MYT1L: variants seen among roughly 807,000 people sequenced by gnomAD.
The protein encoded by MYT1L is myelin transcription factor 1 like.
A neutral mutation model predicts 126.7 loss-of-function variants in MYT1L; 12 were observed. The observed-to-expected ratio is 0.09, with a 90% CI of 0.06 to 0.15. The LOEUF (loss-of-function observed/expected upper bound fraction) is 0.15, where lower values mean the gene tolerates loss of function less well. Ranked by LOEUF, MYT1L falls within the 10% of genes least tolerant of loss-of-function variation. MYT1L has a pLI of 1.00. For synonymous variants in MYT1L, 541 were observed against 604.2 expected (o/e 0.90, Z 1.53); for missense variants, 979 against 1,585.2 (o/e 0.62, Z 6.49).
chr2:1,906,632 A>C (rs1452307698), intron 13 of MYT1L, among the ~76,000 whole-genome samples: 2 of 152,198 alleles, frequency 1.3e-5, no homozygotes, highest in Admixed American at 1.3e-4. Context: ...CAAATCACCA[A>C]TACATGTATT....
chr2:1,983,973 C>T (rs1000195573), intron 5 of MYT1L, among the ~76,000 whole-genome samples: 5 of 151,994 alleles, frequency 3.3e-5, no homozygotes, highest in Admixed American at 6.6e-5. Flanking sequence ...AAAATAAGGA[C>T]GTTTTCTAAG....
In MYT1L at chr2:2,273,551, C is replaced by T. The variant is rs202169501; in HGVS notation, c.-421+10853G>A. Among the ~76,000 whole-genome samples, 29 of 152,294 alleles carry T rather than the reference C, an allele frequency of 1.9e-4. No homozygotes were observed. The East Asian group carries it at 5.6e-3, about 30-fold the overall frequency. ...CTGGTCGCCCAGCCAAAGCCAGTGT[C>T]TGGAGGGAATGGGAAGCCACTCAGA... On this transcript the variant is annotated intron_variant, in intron 2 of 24. Transcript: ENST00000647738.
chr2:2,229,694 C>T (rs1427222608), intron 2 of MYT1L, among the ~76,000 whole-genome samples: 1 of 152,026 alleles, frequency 6.6e-6, no homozygotes, highest in Non-Finnish European at 1.5e-5. Context: ...AGGCAAGGCA[C>T]TGTGTTCAGA....
chr2:2,086,896 C>T (rs546626648), intron 3 of MYT1L, among the ~76,000 whole-genome samples: 1 of 152,226 alleles, frequency 6.6e-6, no homozygotes, highest in African/African-American at 2.4e-5. Context: ...GGGATGCCTG[C>T]CCCTCAGATG....
intron 4 of MYT1L, among the ~76,000 whole-genome samples, chr2:2,011,956 A>T (rs1010433259): frequency 1.3e-5 from 2 of 152,192 alleles, no homozygotes; most frequent in African/African-American, 4.8e-5. Context: ...CCACCAAGGG[A>T]ATCAGAACAT....
At chr2:2,324,766 T>C (rs1441022189) in intron 1 of MYT1L, 1 of 152,682 alleles carries the variant, frequency 6.5e-6, no homozygotes, top group African/African-American at 2.4e-5. Context: ...CCTGCTGACT[T>C]ACCCTGTCTC....
At chr2:1,940,552 C>T (rs1403852302) in intron 9 of MYT1L, among the ~76,000 whole-genome samples, 1 of 150,944 alleles carries the variant, frequency 6.6e-6, no homozygotes, top group Non-Finnish European at 1.5e-5. Flanking sequence ...CCTGTGGCTG[C>T]ACCCTGCCAG....
intron 2 of MYT1L, among the ~76,000 whole-genome samples, chr2:2,191,532 A>C (rs988938553): frequency 6.6e-6 from 1 of 152,210 alleles, no homozygotes; most frequent in Non-Finnish European, 1.5e-5. Context: ...TACAGGAAGC[A>C]GAATCCTTTC....
At chr2:2,209,299 T>C (rs1342836797) in intron 2 of MYT1L, among the ~76,000 whole-genome samples, 1 of 152,196 alleles carries the variant, frequency 6.6e-6, no homozygotes, top group Non-Finnish European at 1.5e-5. Context: ...GTTAAATTAT[T>C]ATTGACTATA....
At chr2:1,818,476 G>A (rs1357218098) in intron 21 of MYT1L, among the ~76,000 whole-genome samples, 1 of 152,120 alleles carries the variant, frequency 6.6e-6, no homozygotes. Flanking sequence ...TATATAATAT[G>A]TAATTTATAT....
chr2:1,805,313 G>A (rs1023263211), intron 22 of MYT1L, among the ~76,000 whole-genome samples: 4 of 152,232 alleles, frequency 2.6e-5, no homozygotes, highest in Non-Finnish European at 5.9e-5. Flanking sequence ...GGTCCTTCTT[G>A]GCCGAGTCAG....
At chr2:2,279,999 T>A (rs2095425628) in intron 2 of MYT1L, among the ~76,000 whole-genome samples, 1 of 152,072 alleles carries the variant, frequency 6.6e-6, no homozygotes. Context: ...TATGTGGAAT[T>A]TCAAATAGAT....
At position 1,929,834 on chromosome 2, in the gene MYT1L, T is replaced by C. The variant is rs183545296; in HGVS notation, c.506-6571A>G. ...GTTGAAGTCACCTGCTTGCCATTCA[T>C]ACTCCTTCCACAGGGACGAGTCTAG... On this transcript the variant is annotated intron_variant, in intron 9 of 24. Coordinates refer to ENST00000647738, the MANE Select transcript of MYT1L (RefSeq NM_001303052.2). The surrounding 1 kb of genome is among the most constrained non-coding windows in gnomAD (Gnocchi z 4.7). Among the ~76,000 whole-genome samples the C allele has an allele frequency of 5.9e-5, 9 of 152,356 alleles. No individual in the cohort carries two copies. The highest frequency in any genetic ancestry group is 5.2e-4 in the Admixed American group (8 of 15,310).
At chr2:1,963,088 C>T (rs951680607) in intron 8 of MYT1L, among the ~76,000 whole-genome samples, 4 of 152,114 alleles carry the variant, frequency 2.6e-5, no homozygotes, top group Admixed American at 6.5e-5. Context: ...TAATAAGGCT[C>T]GAAAGTCAAA....
chr2:2,318,674 T>C (rs2096110755), intron 1 of MYT1L, among the ~76,000 whole-genome samples: 1 of 152,230 alleles, frequency 6.6e-6, no homozygotes. Context: ...AAATTTCACA[T>C]GTTAATTCAG....
rs552858216 is a variant in MYT1L at position 2,208,777 on chromosome 2, G to T, written c.-420-35789C>A. 2.1e-4 allele frequency among the ~76,000 whole-genome samples: 32 copies of T among 151,884 alleles called. No individual in the cohort carries two copies. The Middle Eastern group carries it at 0.01, about 48-fold the overall frequency. ...TTAAGTTTAATTTATCTTGATACTT[G>T]CTTTTAGGCTCTATCATAGTAGAAA... is the stretch of plus-strand genomic sequence containing the variant. On this transcript the variant is annotated intron_variant, in intron 2 of 24. Coordinates refer to ENST00000647738, the MANE Select transcript of MYT1L (RefSeq NM_001303052.2).
intron 1 of MYT1L, among the ~76,000 whole-genome samples, chr2:2,310,933 C>A (rs2095958034): frequency 6.6e-6 from 1 of 152,092 alleles, no homozygotes. Flanking sequence ...TTCCTTTACC[C>A]AACTATCCAA....
chr2:2,135,875 C>G (rs1160717874), intron 3 of MYT1L, among the ~76,000 whole-genome samples: 3 of 152,298 alleles, frequency 2.0e-5, no homozygotes, highest in Admixed American at 6.5e-5. Context: ...AACCCTGGTC[C>G]TCTCTCGGGT....
Position 1,917,058 on chromosome 2 carries a change from A to G in MYT1L, c.1618+147T>C, listed in dbSNP as rs548442758. 5 of 1,056,790 alleles carry G rather than the reference A, an allele frequency of 4.7e-6. No homozygotes were observed. Among genetic ancestry groups the G allele is most frequent in the African/African-American group, 4.7e-5 (3 of 63,468 alleles). The allele number at this position is 1,056,790 out of a possible 1,614,324, so 65.5% of individuals were successfully genotyped here. On this transcript the variant is annotated intron_variant, in intron 11 of 24. Transcript: ENST00000647738. The surrounding 1 kb of genome is among the most constrained non-coding windows in gnomAD (Gnocchi z 5.9). ...CCATTGGCATGCCCACGAATCCTGGATCAGTTGCCCATCAAGTTAAGTAGG... is the reference window on the plus strand; with the variant it reads ...CCATTGGCATGCCCACGAATCCTGGGTCAGTTGCCCATCAAGTTAAGTAGG...
Sources: gnomAD v4.1 joint callset for allele counts (sites outside exome capture counted in the v4.1 genomes callset) on GRCh38, gnomAD v4.1.1 for gene constraint, Gnocchi (gnomAD v3.1) non-coding constraint, MANE v1.5 for transcripts, NCBI Gene and HGNC (gene_info 2026-07-23, HGNC 2026-07-21) for gene names.